The following EYA1 variants were observed in gnomAD, a reference collection of about 807,000 sequenced individuals.
EYA1 encodes the protein EYA transcriptional coactivator and phosphatase 1.
A neutral mutation model predicts 82.0 loss-of-function variants in EYA1; 16 were observed. The ratio of observed to expected loss-of-function variants is 0.20; its 90% CI spans 0.13 to 0.30. The LOEUF is 0.30. Among genes scored for constraint, EYA1 ranks in the 10% least tolerant of loss-of-function variants. The probability of loss-of-function intolerance (pLI) is 1.00; values close to 1 mark genes in which losing one functional copy is unlikely to be tolerated. For missense variants in EYA1, 633 were observed against 730.7 expected (o/e 0.87, Z 1.54); for synonymous variants, 261 against 264.4 (o/e 0.99, Z 0.12).
intron 11 of EYA1, among the ~76,000 whole-genome samples, chr8:71,263,943 C>T (rs1815450551): frequency 2.0e-5 from 3 of 152,116 alleles, no homozygotes; most frequent in Admixed American, 2.0e-4. Flanking sequence ...AATTTGGGAG[C>T]ATTCAATCAA....
chr8:71,440,042 G>A (rs934552237), intron 2 of EYA1, among the ~76,000 whole-genome samples: 2 of 152,200 alleles, frequency 1.3e-5, no homozygotes, highest in African/African-American at 4.8e-5. Flanking sequence ...TAGAGGTAGA[G>A]ATACTTGTGT....
chr8:71,268,662 A>G (rs1211983678), intron 11 of EYA1, among the ~76,000 whole-genome samples: 1 of 152,224 alleles, frequency 6.6e-6, no homozygotes, highest in Non-Finnish European at 1.5e-5. Context: ...ACAGGAATTA[A>G]AATGGTGGGA....
chr8:71,243,680 A>T (rs1812752963), intron 12 of EYA1, among the ~76,000 whole-genome samples: 1 of 152,190 alleles, frequency 6.6e-6, no homozygotes, highest in African/African-American at 2.4e-5. Context: ...TTTTCAAATG[A>T]TTTTGGCTCA....
At chr8:71,255,211 T>A (rs1220207767) in intron 11 of EYA1, among the ~76,000 whole-genome samples, 1 of 152,178 alleles carries the variant, frequency 6.6e-6, no homozygotes, top group Non-Finnish European at 1.5e-5. Context: ...CCCTATCAAA[T>A]CCCCAATAGT....
chr8:71,319,914 G>A (rs1257721779), intron 6 of EYA1, among the ~76,000 whole-genome samples: 1 of 152,084 alleles, frequency 6.6e-6, no homozygotes. Flanking sequence ...AGAGAAGATG[G>A]GGGTTATTAG....
chr8:71,445,389 A>T (rs1048840663), intron 2 of EYA1, among the ~76,000 whole-genome samples: 2 of 152,202 alleles, frequency 1.3e-5, no homozygotes, highest in African/African-American at 4.8e-5. Flanking sequence ...TCCAATAATT[A>T]TTTTATTATT....
chr8:71,391,168 A>G lies in EYA1; in HGVS notation c.34-34657T>C, dbSNP rs994884498. Among the ~76,000 whole-genome samples, 7 of 152,038 alleles carry G rather than the reference A, an allele frequency of 4.6e-5. No homozygotes were observed. The East Asian group carries it at 1.4e-3, about 29-fold the overall frequency. On this transcript the variant is annotated intron_variant, in intron 2 of 18. Transcript: ENST00000643681. Reference sequence around the variant, plus strand: ...TTTATTTTATTTTTATTTTTCGTAGAGACAGGGTTTTGCCATGTTGGCCAG... The same window carrying G: ...TTTATTTTATTTTTATTTTTCGTAGGGACAGGGTTTTGCCATGTTGGCCAG...
chr8:71,423,402 T>G (rs1193061454), intron 2 of EYA1, among the ~76,000 whole-genome samples: 1 of 152,238 alleles, frequency 6.6e-6, no homozygotes, highest in Admixed American at 6.5e-5. Context: ...TATTTTTATC[T>G]TTATATTTTC....
chr8:71,478,228 A>G (rs1809821004), intron 2 of EYA1, among the ~76,000 whole-genome samples: 1 of 152,210 alleles, frequency 6.6e-6, no homozygotes, highest in Admixed American at 6.5e-5. Flanking sequence ...AATGGTCAGC[A>G]ACAATTATTT....
intron 2 of EYA1, among the ~76,000 whole-genome samples, chr8:71,491,533 C>G (rs1197535278): frequency 6.6e-6 from 1 of 152,126 alleles, no homozygotes; most frequent in African/African-American, 2.4e-5. Flanking sequence ...ATGGGTGGGT[C>G]CTAATCCAAT....
intron 2 of EYA1, among the ~76,000 whole-genome samples, chr8:71,444,338 T>C (rs1217438020): frequency 2.0e-5 from 3 of 152,140 alleles, no homozygotes; most frequent in Non-Finnish European, 4.4e-5. Flanking sequence ...GACACAGATA[T>C]AGAAAAGACA....
chr8:71,441,683 T>C (rs1806444823), intron 2 of EYA1, among the ~76,000 whole-genome samples: 1 of 152,218 alleles, frequency 6.6e-6, no homozygotes, highest in Non-Finnish European at 1.5e-5. Context: ...ATGCATTTGT[T>C]CATATCCCTG....
chr8:71,342,643 T>C (rs961619041), intron 3 of EYA1, among the ~76,000 whole-genome samples: 2 of 152,144 alleles, frequency 1.3e-5, no homozygotes, highest in Non-Finnish European at 2.9e-5. Flanking sequence ...ATAAAAAATG[T>C]GTATTTTAAT....
rs535230384 is a variant in EYA1, at chr8:71,530,876, G to A, written c.33+4868C>T. 2.6e-5 allele frequency: 4 copies of A among 152,314 alleles called. No homozygotes were observed. In the South Asian group the frequency reaches 8.3e-4, roughly 32 times the overall value. The allele number at this position is 152,314 out of a possible 1,614,324, so 9.4% of individuals were successfully genotyped here. The stretch of plus-strand genomic sequence containing the variant: ...AGGGAGACACAAGAGGTACAGTTAT[G>A]AGAGTACAATGGAGCCCTAAAGTAA... On this transcript the variant is annotated intron_variant, in intron 2 of 18. Transcript: ENST00000643681.
intron 2 of EYA1, chr8:71,404,692 G>C (rs1000622546): frequency 6.6e-6 from 1 of 152,262 alleles, no homozygotes; most frequent in African/African-American, 2.4e-5. Context: ...GCCAAGGCGG[G>C]TGGATCACGA....
intron 12 of EYA1, among the ~76,000 whole-genome samples, chr8:71,237,761 G>A (rs1812018927): frequency 6.6e-6 from 1 of 151,872 alleles, no homozygotes; most frequent in African/African-American, 2.4e-5. Context: ...TTATACATAG[G>A]GTATACATTT....
chr8:71,440,787 G>A (rs547212422), intron 2 of EYA1, among the ~76,000 whole-genome samples: 2 of 150,888 alleles, frequency 1.3e-5, no homozygotes, highest in Non-Finnish European at 2.9e-5. Flanking sequence ...AAAACAGACA[G>A]ATAAAGTTGC....
chr8:71,502,494 C>G (rs1811882770), intron 2 of EYA1, among the ~76,000 whole-genome samples: 1 of 152,170 alleles, frequency 6.6e-6, no homozygotes, highest in African/African-American at 2.4e-5. Flanking sequence ...ATTTGAATTT[C>G]AGATAAATTA....
At chr8:71,274,175 C>A (rs1226732388) in intron 9 of EYA1, among the ~76,000 whole-genome samples, 1 of 151,926 alleles carries the variant, frequency 6.6e-6, no homozygotes, top group Admixed American at 6.6e-5. Flanking sequence ...GGAAAAAAAC[C>A]CCTAAAAGAT....
Sources: allele counts gnomAD v4.1 joint callset (sites outside exome capture counted in the v4.1 genomes callset), GRCh38; gene constraint gnomAD v4.1.1; transcripts MANE v1.5; gene names NCBI Gene and HGNC (gene_info 2026-07-23, HGNC 2026-07-21).